The following SPRED2 variants were observed in gnomAD, a reference collection of about 807,000 sequenced individuals.
The protein encoded by SPRED2 is sprouty related EVH1 domain containing 2.
Under a neutral mutation model 43.0 loss-of-function variants are expected in SPRED2, and 47 were observed. That is an observed-to-expected ratio of 1.09 (90% confidence interval 0.87 to 1.40). The LOEUF (loss-of-function observed/expected upper bound fraction) is 1.40, where lower values mean the gene tolerates loss of function less well. SPRED2 is among the 40% of genes most tolerant of loss of function. SPRED2 has a pLI of 0.00. For synonymous variants in SPRED2, 225 were observed against 225.7 expected (o/e 1.00, Z 0.03); for missense variants, 561 against 586.4 (o/e 0.96, Z 0.45).
At chr2:65,317,437 C>G (rs932427712) in intron 4 of SPRED2, among the ~76,000 whole-genome samples, 6 of 151,960 alleles carry the variant, frequency 3.9e-5, no homozygotes, top group African/African-American at 1.5e-4. Context: ...TGTTTGAACC[C>G]GGGAAGCGGA....
intron 1 of SPRED2, among the ~76,000 whole-genome samples, chr2:65,363,005 GTT>G (rs113081105): frequency 3.1e-4 from 37 of 121,092 alleles, no homozygotes; most frequent in African/African-American, 5.2e-4. Flanking sequence ...ATCATGTTTT[GTT>G]TTTTTTTTTT....
intron 1 of SPRED2, among the ~76,000 whole-genome samples, chr2:65,419,648 G>A (rs1676374969): frequency 6.6e-6 from 1 of 151,842 alleles, no homozygotes; most frequent in Admixed American, 6.6e-5. Context: ...AAAAATATAT[G>A]CCAAACATCC....
chr2:65,395,189 G>A (rs142360968), intron 1 of SPRED2, among the ~76,000 whole-genome samples: 295 of 152,036 alleles, frequency 1.9e-3, no homozygotes, highest in South Asian at 3.7e-3. Flanking sequence ...TTCTCGCTCC[G>A]TGGCCCCGGC....
chr2:65,408,822 G>C (rs1052964767), intron 1 of SPRED2, among the ~76,000 whole-genome samples: 14 of 152,058 alleles, frequency 9.2e-5, no homozygotes, highest in African/African-American at 3.4e-4. Context: ...TTTGTGATCC[G>C]CCTGCCTTGG....
At chr2:65,358,936 G>A (rs1257862446) in intron 1 of SPRED2, among the ~76,000 whole-genome samples, 1 of 152,174 alleles carries the variant, frequency 6.6e-6, no homozygotes, top group Non-Finnish European at 1.5e-5. Flanking sequence ...AGGGAGAAAA[G>A]GTAAGGAGGA....
chr2:65,314,255 G>A (rs1401398084), intron 5 of SPRED2, 86 bp from the exon 6 acceptor site: 1 of 1,338,544 alleles, frequency 7.5e-7, no homozygotes, highest in Non-Finnish European at 1.0e-6. Flanking sequence ...TCCCTCCCTA[G>A]CCGTCCAAAA....
chr2:65,393,289 A>G (rs1675679387), intron 1 of SPRED2, among the ~76,000 whole-genome samples: 1 of 148,220 alleles, frequency 6.7e-6, no homozygotes, highest in African/African-American at 2.5e-5. Context: ...GAAAATTGCT[A>G]TTTTATGCAA....
At chr2:65,399,680 C>T (rs565922154) in intron 1 of SPRED2, among the ~76,000 whole-genome samples, 53 of 152,266 alleles carry the variant, frequency 3.5e-4, no homozygotes, top group African/African-American at 1.2e-3. Flanking sequence ...TGCGCCTGGC[C>T]TTAACTGGAA....
Position 65,312,791 on chromosome 2 carries a change from T to C in SPRED2, c.*710A>G. 2.0e-6 allele frequency: 2 copies of C among 985,906 alleles called. No homozygotes were observed. Among genetic ancestry groups the C allele is most frequent in the Non-Finnish European group, 2.4e-6 (2 of 829,938 alleles). The allele number at this position is 985,906 out of a possible 1,614,324, so 61.1% of individuals were successfully genotyped here. On this transcript the variant is annotated 3_prime_UTR_variant, in exon 6 of 6. Transcript: ENST00000356388. ...TGAAGTTAAGGCTCAATTCTCAGTC[T>C]ATTACGGGTGAATGTTTTGCATCAG...
At chr2:65,331,458 T>C (rs542891724) in intron 4 of SPRED2, among the ~76,000 whole-genome samples, 1 of 152,156 alleles carries the variant, frequency 6.6e-6, no homozygotes, top group Non-Finnish European at 1.5e-5. Flanking sequence ...AAAAACCCTT[T>C]CCTGCGTTAG....
At chr2:65,360,515 G>T (rs1448348807) in intron 1 of SPRED2, among the ~76,000 whole-genome samples, 2 of 152,260 alleles carry the variant, frequency 1.3e-5, no homozygotes, top group South Asian at 4.1e-4. Context: ...ATTGTCATAT[G>T]CTATAACATG....
At chr2:65,421,302 T>G (rs1456528095) in intron 1 of SPRED2, among the ~76,000 whole-genome samples, 2 of 152,244 alleles carry the variant, frequency 1.3e-5, no homozygotes, top group African/African-American at 2.4e-5. Context: ...ATGAGCCTCT[T>G]CAGCAAACAT....
rs1173484131 is a variant in SPRED2, at chr2:65,313,639, C to A, written c.1119G>T (p.Lys373Asn). The A allele has an allele frequency of 2.5e-6, 4 of 1,614,220 alleles. No individual in the cohort carries two copies. The highest frequency in any genetic ancestry group is 3.4e-6 in the Non-Finnish European group (4 of 1,180,032). ...DPCSCDTSDEKFCLRWMALIA... is the reference protein window; with the variant it reads ...DPCSCDTSDENFCLRWMALIA... ...TAAGAGCCATCCACCGGAGGCAAAA[C>A]TTCTCGTCGCTAGTATCGCACGAGC... The change falls in exon 6 of 6, where the codon AAG becomes AAT. Residue 373 changes from lysine to asparagine, a missense_variant. This residue lies in a region of SPRED2 where 65 missense variants were observed against 60.2 expected (regional missense o/e 1.08). Transcript: ENST00000356388.
chr2:65,345,819 T>C (rs1033326151), intron 1 of SPRED2, among the ~76,000 whole-genome samples: 1 of 152,200 alleles, frequency 6.6e-6, no homozygotes, highest in Non-Finnish European at 1.5e-5. Flanking sequence ...CACAATAAGT[T>C]CTTCTGCACA....
At chr2:65,406,856 C>T (rs1676036060) in intron 1 of SPRED2, among the ~76,000 whole-genome samples, 1 of 152,204 alleles carries the variant, frequency 6.6e-6, no homozygotes, top group African/African-American at 2.4e-5. Flanking sequence ...GCAGGGCCCT[C>T]CATCAAGCTG....
intron 1 of SPRED2, among the ~76,000 whole-genome samples, chr2:65,411,206 T>G: frequency 6.6e-6 from 1 of 152,164 alleles, no homozygotes; most frequent in East Asian, 1.9e-4. Context: ...CCTCCAGCAA[T>G]CTTTTGAGGA....
At chr2:65,386,561 C>T (rs895789438) in intron 1 of SPRED2, among the ~76,000 whole-genome samples, 2 of 152,174 alleles carry the variant, frequency 1.3e-5, no homozygotes, top group Admixed American at 6.5e-5. Flanking sequence ...TCTGATTATG[C>T]AACACCCAGA....
chr2:65,362,407 C>T (rs572036449), intron 1 of SPRED2, among the ~76,000 whole-genome samples: 6 of 152,206 alleles, frequency 3.9e-5, no homozygotes, highest in Non-Finnish European at 7.4e-5. Flanking sequence ...GTAGCTGCAA[C>T]TACAGGCGCC....
intron 1 of SPRED2, among the ~76,000 whole-genome samples, chr2:65,346,739 G>A (rs1175568898): frequency 6.6e-6 from 1 of 152,078 alleles, no homozygotes; most frequent in Non-Finnish European, 1.5e-5. Context: ...TGCCACTGCT[G>A]CAGACTATTC....
Sources: allele counts gnomAD v4.1 joint callset (sites outside exome capture counted in the v4.1 genomes callset), GRCh38; gene constraint gnomAD v4.1.1; regional missense constraint gnomAD v4.1.1; transcripts MANE v1.5; gene names NCBI Gene and HGNC (gene_info 2026-07-23, HGNC 2026-07-21).